The following C12orf56 variants were observed in gnomAD, a reference collection of about 807,000 sequenced individuals.
The protein encoded by C12orf56 is chromosome 12 open reading frame 56.
Under a neutral mutation model 69.9 loss-of-function variants are expected in C12orf56, and 71 were observed. The ratio of observed to expected loss-of-function variants is 1.02; its 90% confidence interval spans 0.84 to 1.24. The LOEUF (loss-of-function observed/expected upper bound fraction) is 1.24, where lower values mean the gene tolerates loss of function less well. Ranked by LOEUF, C12orf56 falls within the 50% of genes most tolerant of loss-of-function variation. The pLI is 0.00. For synonymous variants in C12orf56, 276 were observed against 274.1 expected (o/e 1.01, Z -0.07); for missense variants, 732 against 738.5 (o/e 0.99, Z 0.10).
intron 1 of C12orf56, among the ~76,000 whole-genome samples, chr12:64,366,412 TAC>T (rs1448200877): frequency 3.8e-5 from 3 of 78,172 alleles, no homozygotes; most frequent in Admixed American, 2.3e-4. Flanking sequence ...ATATATAACA[TAC>T]AGTTTATATA....
chr12:64,347,092 C>T (rs573819643), intron 2 of C12orf56, among the ~76,000 whole-genome samples: 1 of 151,998 alleles, frequency 6.6e-6, no homozygotes, highest in East Asian at 1.9e-4. Flanking sequence ...TCTCCTGCCT[C>T]AGCCTCCCAA....
At position 64,300,648 on chromosome 12, in the gene C12orf56, T is replaced by A. The variant is rs1324770820; in HGVS notation, c.1113+2987A>T. Among the ~76,000 whole-genome samples the A allele has an allele frequency of 2.0e-5, 3 of 152,160 alleles. No homozygotes were observed. In the East Asian group the frequency reaches 5.8e-4, roughly 29 times the overall value. On this transcript the variant is annotated intron_variant, in intron 6 of 12. Transcript: ENST00000543942. Reference sequence around the variant, plus strand: ...GTCCTCACATTCCATAAAACCCTGTTCCCACACCCTAAACAAGCAGATCTT... The same window carrying A: ...GTCCTCACATTCCATAAAACCCTGTACCCACACCCTAAACAAGCAGATCTT...
intron 2 of C12orf56, among the ~76,000 whole-genome samples, chr12:64,351,982 G>A (rs2039229180): frequency 6.6e-6 from 1 of 152,018 alleles, no homozygotes; most frequent in African/African-American, 2.4e-5. Context: ...CTTCAAACTG[G>A]GAAAAGTTAA....
chr12:64,360,541 T>G (rs569043808), intron 1 of C12orf56, among the ~76,000 whole-genome samples: 5 of 152,194 alleles, frequency 3.3e-5, no homozygotes, highest in African/African-American at 1.2e-4. Flanking sequence ...GATAGATAGA[T>G]AGGATATTGT....
chr12:64,269,268 C>A (rs1337857071), intron 12 of C12orf56, among the ~76,000 whole-genome samples: 10 of 152,060 alleles, frequency 6.6e-5, no homozygotes, highest in Non-Finnish European at 1.5e-4. Flanking sequence ...GTCCGCTGTA[C>A]CCTTTTCATC....
At chr12:64,310,356 G>T (rs2038590839) in intron 5 of C12orf56, among the ~76,000 whole-genome samples, 1 of 152,112 alleles carries the variant, frequency 6.6e-6, no homozygotes. Flanking sequence ...ATTGTTAAAT[G>T]AATCTGTCAT....
chr12:64,344,257 C>T (rs2039112430), intron 2 of C12orf56, among the ~76,000 whole-genome samples: 1 of 152,168 alleles, frequency 6.6e-6, no homozygotes, highest in Non-Finnish European at 1.5e-5. Flanking sequence ...CTTAAGGGGA[C>T]ATGACCTCCC....
intron 2 of C12orf56, among the ~76,000 whole-genome samples, chr12:64,342,131 C>T (rs1481047854): frequency 1.3e-5 from 2 of 152,216 alleles, no homozygotes; most frequent in Admixed American, 1.3e-4. Flanking sequence ...CATCCACATA[C>T]CTCTTCCCCA....
rs2037915191 is a variant in C12orf56, at chr12:64,265,806, C to A, written c.*1377G>T. On this transcript the variant is annotated 3_prime_UTR_variant, in exon 13 of 13. Transcript: ENST00000543942. ...TGTTCTTAGAAGTCCAAATTCAACA[C>A]CTCACGGTGATGCCAAAGTTAAGTA... 6.6e-6 allele frequency: 1 copy of A among 152,206 alleles called. No homozygotes were observed. The highest frequency in any genetic ancestry group is 1.5e-5 in the Non-Finnish European group (1 of 68,036). The allele number at this position is 152,206 out of a possible 1,614,324, so 9.4% of individuals were successfully genotyped here.
intron 2 of C12orf56, among the ~76,000 whole-genome samples, chr12:64,348,031 T>C (rs1224166261): frequency 2.0e-5 from 3 of 152,164 alleles, no homozygotes; most frequent in Admixed American, 6.5e-5. Context: ...GTAATCCTAG[T>C]ACTTTGGGAG....
intron 5 of C12orf56, among the ~76,000 whole-genome samples, chr12:64,307,368 CTT>C (rs748644044): frequency 1.7e-5 from 2 of 115,244 alleles, no homozygotes; most frequent in Non-Finnish European, 3.4e-5. Flanking sequence ...ATAGTCAGTC[CTT>C]TTTTTTTTTT....
chr12:64,368,306 A>C (rs1274186865), intron 1 of C12orf56, among the ~76,000 whole-genome samples: 1 of 152,110 alleles, frequency 6.6e-6, no homozygotes, highest in Non-Finnish European at 1.5e-5. Context: ...TGATTACTGT[A>C]ACAAATGTCA....
Position 64,318,648 on chromosome 12 carries a change from A to C in C12orf56, c.821T>G (p.Leu274Arg). 6.5e-7 allele frequency: 1 copy of C among 1,536,974 alleles called. No homozygotes were observed. Among genetic ancestry groups the C allele is most frequent in the South Asian group, 1.2e-5 (1 of 84,048 alleles). ...GGTTGTGGAAATAACATACAAATGA[A>C]GTTCTGACTCCTTTTTCTCTAAATT... Reference protein sequence around the residue: ...NSNLEKKESELHLYVISTTSS... With the variant: ...NSNLEKKESERHLYVISTTSS... The change falls in exon 4 of 13, where the codon CTT becomes CGT. Residue 274 changes from leucine to arginine, a missense_variant. Leu to Arg is a moderately radical substitution (Grantham distance 102). Coordinates refer to ENST00000543942, the MANE Select transcript of C12orf56 (RefSeq NM_001170633.2).
At chr12:64,370,438 G>T (rs2135972645) in intron 1 of C12orf56, among the ~76,000 whole-genome samples, 1 of 151,920 alleles carries the variant, frequency 6.6e-6, no homozygotes, top group Non-Finnish European at 1.5e-5. Context: ...ATCATTTGAG[G>T]TCAGGAGTTT....
intron 3 of C12orf56, among the ~76,000 whole-genome samples, chr12:64,326,749 A>AG (rs2038848404): frequency 6.6e-6 from 1 of 151,756 alleles, no homozygotes; most frequent in South Asian, 2.1e-4. Flanking sequence ...CAAAAAAAAA[A>AG]AAAGAAAGAA....
chr12:64,351,263 A>T (rs2039218444), intron 2 of C12orf56, among the ~76,000 whole-genome samples: 1 of 152,156 alleles, frequency 6.6e-6, no homozygotes, highest in South Asian at 2.1e-4. Context: ...CACTTGTTAG[A>T]GGAGGACTCA....
At chr12:64,289,175 G>A (rs1422749569) in intron 6 of C12orf56, among the ~76,000 whole-genome samples, 1 of 104,654 alleles carries the variant, frequency 9.6e-6, no homozygotes, top group Admixed American at 1.1e-4. Flanking sequence ...GTATAAGAAT[G>A]CTTGTGATTT....
At chr12:64,272,746 T>G (rs986475538) in intron 11 of C12orf56, among the ~76,000 whole-genome samples, 8 of 152,194 alleles carry the variant, frequency 5.3e-5, no homozygotes, top group Admixed American at 5.2e-4. Flanking sequence ...GACTATAACT[T>G]TCAAACATTC....
chr12:64,306,612 G>A (rs550199568), intron 5 of C12orf56, among the ~76,000 whole-genome samples: 118 of 151,984 alleles, frequency 7.8e-4, no homozygotes, highest in African/African-American at 2.5e-3. Flanking sequence ...CAAGTAATCC[G>A]CCCACCTCAG....
Sources: allele counts gnomAD v4.1 joint callset (sites outside exome capture counted in the v4.1 genomes callset), GRCh38; gene constraint gnomAD v4.1.1; transcripts MANE v1.5; gene names NCBI Gene and HGNC (gene_info 2026-07-23, HGNC 2026-07-21).